Variants in KLHL32 observed in about 807,000 individuals in gnomAD.
The protein encoded by KLHL32 is kelch-like protein 32.
Under a neutral mutation model 64.8 loss-of-function variants are expected in KLHL32, and 35 were observed. The ratio of observed to expected loss-of-function variants is 0.54; its 90% CI spans 0.41 to 0.72. The LOEUF is 0.72. Among genes scored for constraint, KLHL32 ranks in the 30% least tolerant of loss-of-function variants. The probability of loss-of-function intolerance (pLI) is 0.00; values close to 1 mark genes in which losing one functional copy is unlikely to be tolerated. For missense variants in KLHL32, 589 were observed against 768.5 expected, an observed-to-expected ratio of 0.77 and a Z score of 2.76; for synonymous variants, 259 against 281.0, an observed-to-expected ratio of 0.92 and a Z score of 0.78.
In KLHL32 at chr6:97,140,085, T is replaced by C. The variant is rs933139067; in HGVS notation, c.*803T>C. ...CTTGTAATTGAACAGGGAGATTATT[T>C]TTGAAGTTTAAAAATTACTAGATAG... On this transcript the variant is annotated 3_prime_UTR_variant, in exon 11 of 11. Coordinates refer to ENST00000369261, the MANE Select transcript of KLHL32 (RefSeq NM_052904.4). 4 of 152,116 alleles carry C rather than the reference T, an allele frequency of 2.6e-5. No homozygotes were observed. The highest frequency in any genetic ancestry group is 9.7e-5 in the African/African-American group (4 of 41,446). The allele number at this position is 152,116 out of a possible 1,614,324, so 9.4% of individuals were successfully genotyped here.
In KLHL32 at chr6:97,041,573, G is replaced by T. The variant is rs774728862; in HGVS notation, c.286G>T (p.Ala96Ser). The T allele has an allele frequency of 1.2e-5, 20 of 1,612,794 alleles. No homozygotes were observed. The South Asian group carries it at 2.2e-4, about 18-fold the overall frequency. ...HGVTSLGLKQALEFAYTGQIL... is the reference protein window; with the variant it reads ...HGVTSLGLKQSLEFAYTGQIL... Reference sequence around the variant, plus strand: ...TGTGACCAGCCTTGGCTTAAAGCAGGCTCTGGAGTTTGCATACACAGGACA... The same window carrying T: ...TGTGACCAGCCTTGGCTTAAAGCAGTCTCTGGAGTTTGCATACACAGGACA... The change falls in exon 4 of 11, where the codon GCT becomes TCT. Residue 96 changes from alanine (A) to serine (S), a missense_variant. Ala to Ser is a moderately conservative substitution (Grantham distance 99). Transcript: ENST00000369261.
chr6:96,955,990 G>A (rs561061033), intron 1 of KLHL32, among the ~76,000 whole-genome samples: 3 of 152,198 alleles, frequency 2.0e-5, no homozygotes, highest in East Asian at 3.9e-4. Context: ...TACAAAAGAC[G>A]GATGTTTATT....
intron 4 of KLHL32, among the ~76,000 whole-genome samples, chr6:97,042,525 A>G (rs1317585726): frequency 1.3e-5 from 2 of 152,178 alleles, no homozygotes; most frequent in African/African-American, 4.8e-5. Flanking sequence ...ATAATTGTAT[A>G]TACTTATGTG....
chr6:96,984,948 A>G (rs1776822463), intron 3 of KLHL32, among the ~76,000 whole-genome samples: 1 of 152,092 alleles, frequency 6.6e-6, no homozygotes, highest in Non-Finnish European at 1.5e-5. Flanking sequence ...TCGTTAGTTG[A>G]TGCAGTTTCT....
chr6:97,011,176 C>T (rs2050156), intron 3 of KLHL32, among the ~76,000 whole-genome samples: 13,314 of 152,116 alleles, frequency 0.088, 1,251 homozygotes, highest in Admixed American at 0.22. Flanking sequence ...GCCAAGTTCA[C>T]GTTAAATTCT....
chr6:97,120,606 A>G (rs1206150), intron 7 of KLHL32, among the ~76,000 whole-genome samples: 80,925 of 151,988 alleles, frequency 0.53, 22,178 homozygotes, highest in African/African-American at 0.66. Context: ...GAGTTCAGCA[A>G]GCTAGGATCT....
intron 7 of KLHL32, among the ~76,000 whole-genome samples, chr6:97,124,334 C>A (rs1014905244): frequency 6.6e-6 from 1 of 152,126 alleles, no homozygotes; most frequent in Non-Finnish European, 1.5e-5. Context: ...CTTAATATCT[C>A]ATTTCTAAAC....
chr6:97,133,486 G>A (rs1034449613), intron 10 of KLHL32, among the ~76,000 whole-genome samples: 6 of 151,900 alleles, frequency 3.9e-5, no homozygotes, highest in Admixed American at 6.6e-5. Context: ...TTATCTAATC[G>A]CATCTTTATG....
At chr6:97,062,839 A>AG (rs1308491814) in intron 4 of KLHL32, among the ~76,000 whole-genome samples, 1 of 152,176 alleles carries the variant, frequency 6.6e-6, no homozygotes, top group East Asian at 1.9e-4. Context: ...AATAAAACAA[A>AG]GTTAGGAGCT....
chr6:97,017,498 G>C (rs781244703), intron 3 of KLHL32, among the ~76,000 whole-genome samples: 1 of 152,212 alleles, frequency 6.6e-6, no homozygotes, highest in Non-Finnish European at 1.5e-5. Flanking sequence ...GAACAAAGGT[G>C]AGGAGTCAGG....
rs548938104 is a variant in KLHL32 at position 96,964,113 on chromosome 6, T to C, written c.-65-2883T>C. 3.9e-5 allele frequency among the ~76,000 whole-genome samples: 6 copies of C among 152,336 alleles called. No individual in the cohort carries two copies. The East Asian group carries it at 1.2e-3, about 29-fold the overall frequency. ...AGAGCAACTCTGGCCTTTTTTCATA[T>C]TGCTCTGCTTCCTAATGCTCCACTC... On this transcript the variant is annotated intron_variant, in intron 1 of 10. Transcript: ENST00000369261.
chr6:97,060,114 C>T (rs1788633598), intron 4 of KLHL32, among the ~76,000 whole-genome samples: 1 of 152,072 alleles, frequency 6.6e-6, no homozygotes, highest in African/African-American at 2.4e-5. Context: ...GTCCACTGTA[C>T]ACATAGACCA....
intron 1 of KLHL32, among the ~76,000 whole-genome samples, chr6:96,936,913 C>T (rs1224500676): frequency 2.6e-5 from 4 of 152,150 alleles, no homozygotes; most frequent in African/African-American, 9.7e-5. Context: ...TTACCTCCTT[C>T]GGGTCTTTGC....
At chr6:97,041,661 T>G in intron 4 of KLHL32, 62 bp downstream of exon 4, 1 of 966,086 alleles carries the variant, frequency 1.0e-6, no homozygotes, top group South Asian at 1.4e-5. Context: ...CAAAGGAGAT[T>G]ATCCTTGAGG....
chr6:97,082,619 A>AT (rs1792739035), intron 5 of KLHL32, among the ~76,000 whole-genome samples: 1 of 151,670 alleles, frequency 6.6e-6, no homozygotes, highest in African/African-American at 2.4e-5. Context: ...ATCTCAAAAA[A>AT]AAAAAATAAA....
intron 2 of KLHL32, among the ~76,000 whole-genome samples, chr6:96,971,700 C>T (rs1040693069): frequency 1.3e-4 from 20 of 151,974 alleles, no homozygotes; most frequent in South Asian, 8.3e-4. Flanking sequence ...GGCAGCCTGA[C>T]GGGGGTTGCC....
chr6:96,934,332 T>C (rs56099123), intron 1 of KLHL32, among the ~76,000 whole-genome samples: 19,639 of 152,238 alleles, frequency 0.13, 1,554 homozygotes, highest in East Asian at 0.26. Context: ...AGGTCTACTT[T>C]GGGAGATGTG....
intron 5 of KLHL32, among the ~76,000 whole-genome samples, chr6:97,072,370 GAA>G (rs1381956055): frequency 1.3e-5 from 2 of 152,150 alleles, no homozygotes; most frequent in African/African-American, 2.4e-5. Context: ...GATAGATTTT[GAA>G]AAGTTTTCTT....
intron 3 of KLHL32, among the ~76,000 whole-genome samples, chr6:97,006,996 A>G (rs1176020389): frequency 1.3e-5 from 2 of 152,128 alleles, no homozygotes; most frequent in Non-Finnish European, 1.5e-5. Flanking sequence ...ATAGTGTCTC[A>G]CAGGGGTTCT....
Sources: gnomAD v4.1 joint callset for allele counts (sites outside exome capture counted in the v4.1 genomes callset) on GRCh38, gnomAD v4.1.1 for gene constraint, MANE v1.5 for transcripts, NCBI Gene and HGNC (gene_info 2026-07-23, HGNC 2026-07-21) for gene names.